Variants in BAZ2B observed in about 807,000 individuals in gnomAD.
The protein encoded by BAZ2B is bromodomain adjacent to zinc finger domain 2B.
In BAZ2B, 91 loss-of-function variants were observed where a neutral mutation model predicts 246.0. That is an observed-to-expected ratio of 0.37 (90% CI 0.31 to 0.44). The LOEUF is 0.44. Among genes scored for constraint, BAZ2B ranks in the 20% least tolerant of loss-of-function variants. The pLI, the probability that BAZ2B is intolerant of heterozygous loss-of-function variation, is 1.00. For missense variants in BAZ2B, 2,332 were observed against 2,533.7 expected, an observed-to-expected ratio of 0.92 and a Z score of 1.71; for synonymous variants, 855 against 860.0, an observed-to-expected ratio of 0.99 and a Z score of 0.10.
At chr2:159,376,391 C>A (rs929769889) in intron 25 of BAZ2B, among the ~76,000 whole-genome samples, 7 of 152,160 alleles carry the variant, frequency 4.6e-5, no homozygotes, top group African/African-American at 1.2e-4. Flanking sequence ...AGTATGGCTA[C>A]TACCCAATGA....
chr2:159,686,054 G>A, the BAZ2B span, among the ~76,000 whole-genome samples: 1 of 152,326 alleles, frequency 6.6e-6, no homozygotes, highest in East Asian at 1.9e-4. Context: ...TGAAGGCCAG[G>A]AGTTCAAGAC....
chr2:159,564,104 A>C (rs551538063), intron 1 of BAZ2B, among the ~76,000 whole-genome samples: 6 of 152,342 alleles, frequency 3.9e-5, no homozygotes, highest in South Asian at 4.1e-4. Context: ...TACTACACTG[A>C]AGGGTAAAGA....
At chr2:159,585,675 A>T (rs866582896) in intron 1 of BAZ2B, among the ~76,000 whole-genome samples, 18 of 152,212 alleles carry the variant, frequency 1.2e-4, no homozygotes, top group African/African-American at 3.4e-4. Flanking sequence ...CTTTCTCCTT[A>T]ATTGTCTATT....
chr2:159,398,727 T>G (rs1247074350), intron 18 of BAZ2B, 102 bp downstream of exon 18: 2 of 1,018,580 alleles, frequency 2.0e-6, no homozygotes, highest in South Asian at 3.2e-5. Flanking sequence ...TATTTTCAGA[T>G]AGTCATTTTG....
At chr2:159,439,276 G>A in intron 6 of BAZ2B, 64 bp from the exon 7 acceptor site, 1 of 1,336,936 alleles carries the variant, frequency 7.5e-7, no homozygotes, top group African/African-American at 1.5e-5. Flanking sequence ...TTCAATAAAA[G>A]GTGTACTCTT....
chr2:159,569,065 C>T (rs544332750), intron 1 of BAZ2B, among the ~76,000 whole-genome samples: 4 of 152,182 alleles, frequency 2.6e-5, no homozygotes, highest in African/African-American at 9.6e-5. Flanking sequence ...AGATGTGATC[C>T]ATTCCATAAC....
At chr2:159,423,776 A>G (rs1031315550) in intron 13 of BAZ2B, among the ~76,000 whole-genome samples, 1 of 152,256 alleles carries the variant, frequency 6.6e-6, no homozygotes, top group Non-Finnish European at 1.5e-5. Flanking sequence ...AGAAAACTAA[A>G]TATCACATGT....
At chr2:159,607,046 G>A (rs1225736117) in intron 1 of BAZ2B, among the ~76,000 whole-genome samples, 1 of 151,672 alleles carries the variant, frequency 6.6e-6, no homozygotes, top group African/African-American at 2.4e-5. Context: ...GTAGAGACAG[G>A]GTTTCACCAT....
intron 1 of BAZ2B, among the ~76,000 whole-genome samples, chr2:159,590,204 A>C (rs1161681648): frequency 1.8e-5 from 1 of 56,046 alleles, no homozygotes; most frequent in Admixed American, 1.7e-4. Context: ...AAAAAAAAAA[A>C]AAAAAAAAAA....
intron 18 of BAZ2B, chr2:159,398,354 T>G (rs1436411044): frequency 6.6e-6 from 1 of 152,264 alleles, no homozygotes; most frequent in Middle Eastern, 3.2e-3. Context: ...AAGTTTGGCT[T>G]TTGTTTCTGT....
chr2:159,481,803 T>C (rs1450730724), intron 2 of BAZ2B, among the ~76,000 whole-genome samples: 1 of 150,458 alleles, frequency 6.6e-6, no homozygotes, highest in East Asian at 1.9e-4. Flanking sequence ...AAAAAAAGAC[T>C]GTGGAATTGC....
intron 25 of BAZ2B, among the ~76,000 whole-genome samples, chr2:159,375,345 A>G (rs1359775434): frequency 6.6e-6 from 1 of 152,230 alleles, no homozygotes; most frequent in African/African-American, 2.4e-5. Flanking sequence ...AATGTATACC[A>G]AGGGAGGCTT....
chr2:159,342,716 C>T (rs541550363), intron 31 of BAZ2B, among the ~76,000 whole-genome samples: 3 of 152,010 alleles, frequency 2.0e-5, no homozygotes, highest in African/African-American at 7.2e-5. Context: ...GTAAATTTAA[C>T]CAAAGAAGTG....
chr2:159,399,718 T>C (rs2064660454), intron 17 of BAZ2B, among the ~76,000 whole-genome samples: 1 of 152,166 alleles, frequency 6.6e-6, no homozygotes, highest in African/African-American at 2.4e-5. Context: ...AATAAAACTG[T>C]AACAGAGAAA....
intron 22 of BAZ2B, 86 bp from the exon 23 acceptor site, chr2:159,385,455 G>A: frequency 1.7e-6 from 2 of 1,202,012 alleles, no homozygotes; most frequent in Non-Finnish European, 2.4e-6. Context: ...CATATTATTT[G>A]ATTTAGATAC....
At chr2:159,370,529 C>A (rs1459972028) in intron 27 of BAZ2B, among the ~76,000 whole-genome samples, 1 of 151,734 alleles carries the variant, frequency 6.6e-6, no homozygotes, top group African/African-American at 2.4e-5. Context: ...CGCCACCACG[C>A]CCGGCTAATG....
intron 25 of BAZ2B, among the ~76,000 whole-genome samples, chr2:159,376,985 T>C (rs962457826): frequency 6.6e-6 from 1 of 152,142 alleles, no homozygotes; most frequent in East Asian, 1.9e-4. Context: ...AGAGTTTAAT[T>C]GTCCACAGAA....
At chr2:159,429,098 T>C (rs535745437) in intron 11 of BAZ2B, 102 bp downstream of exon 11, 4 of 766,772 alleles carry the variant, frequency 5.2e-6, no homozygotes, top group South Asian at 3.3e-5. Flanking sequence ...TATGCAGCTA[T>C]GTACTTCTTC....
At chr2:159,461,265 T>C (rs1229735819) in intron 3 of BAZ2B, 1 of 152,536 alleles carries the variant, frequency 6.6e-6, no homozygotes, top group Admixed American at 6.6e-5. Context: ...AGTTGTTATA[T>C]TATATCTATG....
Sources: allele counts gnomAD v4.1 joint callset (sites outside exome capture counted in the v4.1 genomes callset), GRCh38; gene constraint gnomAD v4.1.1; transcripts MANE v1.5; gene names NCBI Gene and HGNC (gene_info 2026-07-23, HGNC 2026-07-21).